Variants in KDM4C observed in about 807,000 individuals in gnomAD.
The protein encoded by KDM4C is lysine-specific demethylase 4C.
A neutral mutation model predicts 129.3 loss-of-function variants in KDM4C; 81 were observed. The ratio of observed to expected loss-of-function variants is 0.63; its 90% CI spans 0.52 to 0.75. The LOEUF (loss-of-function observed/expected upper bound fraction) is 0.75, where lower values mean the gene tolerates loss of function less well. Ranked by LOEUF, KDM4C falls within the 30% of genes least tolerant of loss-of-function variation. KDM4C has a pLI of 0.00. For synonymous variants in KDM4C, 573 were observed against 456.1 expected, an observed-to-expected ratio of 1.26 and a Z score of -3.26; for missense variants, 1,457 against 1,304.0, an observed-to-expected ratio of 1.12 and a Z score of -1.81.
chr9:7,055,487 G>A lies in KDM4C; in HGVS notation c.2424+6287G>A, dbSNP rs531123344. ...CACTACAATGATGACTGAGCTACAA[G>A]CCTTTCCGTGTCTGGCTGAGACCAT... On this transcript the variant is annotated intron_variant, in intron 17 of 21. Transcript: ENST00000381309. 3.9e-5 allele frequency among the ~76,000 whole-genome samples: 6 copies of A among 152,334 alleles called. No individual in the cohort carries two copies. In the South Asian group the frequency reaches 1.2e-3, roughly 32 times the overall value.
chr9:7,032,930 A>G (rs16925141), intron 15 of KDM4C, among the ~76,000 whole-genome samples: 8,337 of 152,254 alleles, frequency 0.055, 379 homozygotes, highest in East Asian at 0.18. Context: ...TCCCTTTCAT[A>G]TGTACTCTAG....
At chr9:6,911,448 TA>T (rs1352781413) in intron 8 of KDM4C, among the ~76,000 whole-genome samples, 3 of 152,242 alleles carry the variant, frequency 2.0e-5, no homozygotes, top group Non-Finnish European at 4.4e-5. Context: ...GCTGTCAAGC[TA>T]GTTAATGATT....
At chr9:6,873,944 G>GAGAC (rs1221917444) in intron 5 of KDM4C, among the ~76,000 whole-genome samples, 2 of 127,212 alleles carry the variant, frequency 1.6e-5, no homozygotes, top group Non-Finnish European at 3.2e-5. Context: ...GAGAGAGCGA[G>GAGAC]AGAGAGAGAG....
chr9:7,163,382 A>G (rs181567564), intron 19 of KDM4C, among the ~76,000 whole-genome samples: 1 of 152,158 alleles, frequency 6.6e-6, no homozygotes, highest in Non-Finnish European at 1.5e-5. Context: ...ACCATGGCAC[A>G]TAGTTTGGGA....
At chr9:6,734,288 GTTTTTTTTTTT>G (rs57329090) in intron 1 of KDM4C, among the ~76,000 whole-genome samples, 2 of 110,298 alleles carry the variant, frequency 1.8e-5, no homozygotes, top group Admixed American at 1.9e-4. Context: ...CCCATGTTTG[GTTTTTTTTTTT>G]TTTTTTTTTT....
chr9:7,091,188 A>G (rs1377037532), intron 17 of KDM4C, among the ~76,000 whole-genome samples: 4 of 152,166 alleles, frequency 2.6e-5, no homozygotes, highest in African/African-American at 4.8e-5. Flanking sequence ...TTTTCAATGG[A>G]AACTTTCTTT....
intron 11 of KDM4C, among the ~76,000 whole-genome samples, chr9:6,988,092 C>T (rs2131883966): frequency 7.2e-6 from 1 of 139,536 alleles, no homozygotes; most frequent in African/African-American, 2.7e-5. Context: ...GAATTCAAGG[C>T]TGCAGTGAGC....
chr9:6,866,323 G>C (rs182504045), intron 5 of KDM4C, among the ~76,000 whole-genome samples: 229 of 151,276 alleles, frequency 1.5e-3, no homozygotes, highest in African/African-American at 5.4e-3. Flanking sequence ...TTTCCTTTTT[G>C]GTTCCAGATG....
chr9:6,944,446 CA>C (rs1826509919), intron 8 of KDM4C, among the ~76,000 whole-genome samples: 2 of 152,176 alleles, frequency 1.3e-5, no homozygotes, highest in African/African-American at 2.4e-5. Context: ...TTTGGTGACT[CA>C]TTAGATTTTG....
intron 15 of KDM4C, among the ~76,000 whole-genome samples, chr9:7,019,363 A>G (rs1021911820): frequency 2.0e-5 from 3 of 152,142 alleles, no homozygotes; most frequent in African/African-American, 7.2e-5. Flanking sequence ...AAAGGAGCTC[A>G]TGGAAATCAA....
intron 8 of KDM4C, among the ~76,000 whole-genome samples, chr9:6,972,710 T>C (rs1832205802): frequency 6.6e-6 from 1 of 152,238 alleles, no homozygotes; most frequent in South Asian, 2.1e-4. Flanking sequence ...GTAACAGTCA[T>C]GGGAGTTAGT....
At chr9:6,998,181 G>T (rs929528625) in intron 12 of KDM4C, among the ~76,000 whole-genome samples, 1 of 152,154 alleles carries the variant, frequency 6.6e-6, no homozygotes, top group African/African-American at 2.4e-5. Context: ...TGTAATGTCT[G>T]CATGCCTTGA....
intron 4 of KDM4C, among the ~76,000 whole-genome samples, chr9:6,829,185 A>G (rs1834383550): frequency 6.6e-6 from 1 of 152,218 alleles, no homozygotes; most frequent in Non-Finnish European, 1.5e-5. Context: ...TGGCATGAAT[A>G]CTACACACAG....
intron 19 of KDM4C, among the ~76,000 whole-genome samples, chr9:7,155,881 G>T (rs568877725): frequency 1.3e-5 from 2 of 152,312 alleles, no homozygotes; most frequent in South Asian, 4.1e-4. Flanking sequence ...CCCAGTAATG[G>T]GGTTGCTGAG....
At chr9:7,112,738 G>A (rs1177725788) in intron 18 of KDM4C, among the ~76,000 whole-genome samples, 1 of 152,044 alleles carries the variant, frequency 6.6e-6, no homozygotes, top group East Asian at 1.9e-4. Flanking sequence ...TCACTTCCAT[G>A]GCTTGATACT....
At chr9:6,985,083 C>G (rs897785751) in intron 10 of KDM4C, among the ~76,000 whole-genome samples, 1 of 152,196 alleles carries the variant, frequency 6.6e-6, no homozygotes, top group Admixed American at 6.5e-5. Flanking sequence ...GAATCCGACT[C>G]CCTCTGCTGC....
At chr9:7,022,637 CTTTT>C (rs375675040) in intron 15 of KDM4C, among the ~76,000 whole-genome samples, 3 of 133,974 alleles carry the variant, frequency 2.2e-5, no homozygotes, top group Non-Finnish European at 3.2e-5. Flanking sequence ...CCCTTTATTT[CTTTT>C]TTTTTTTTTT....
At chr9:7,062,977 G>A (rs569995594) in intron 17 of KDM4C, among the ~76,000 whole-genome samples, 2 of 152,184 alleles carry the variant, frequency 1.3e-5, no homozygotes, top group Admixed American at 6.5e-5. Flanking sequence ...CTAGACCTAA[G>A]AAGCACAAAC....
chr9:6,792,854 G>GA (rs757948968), intron 1 of KDM4C, 118 bp from the exon 2 acceptor site: 143 of 991,862 alleles, frequency 1.4e-4, no homozygotes, highest in Non-Finnish European at 2.1e-4. Context: ...TGGTAGAAGG[G>GA]AATGGGAAGT....
Sources: gnomAD v4.1 joint callset for allele counts (sites outside exome capture counted in the v4.1 genomes callset) on GRCh38, gnomAD v4.1.1 for gene constraint, MANE v1.5 for transcripts, NCBI Gene and HGNC (gene_info 2026-07-23, HGNC 2026-07-21) for gene names.